Variants in FAM135B observed in about 807,000 individuals in gnomAD.
The protein encoded by FAM135B is protein FAM135B.
Under a neutral mutation model 127.7 loss-of-function variants are expected in FAM135B, and 43 were observed. The ratio of observed to expected loss-of-function variants is 0.34; its 90% CI spans 0.26 to 0.43. FAM135B has a LOEUF of 0.43. Among genes scored for constraint, FAM135B ranks in the 20% least tolerant of loss-of-function variants. The pLI is 1.00. For synonymous variants in FAM135B, 670 were observed against 665.1 expected (o/e 1.01, Z -0.11); for missense variants, 1,558 against 1,725.6 (o/e 0.90, Z 1.72).
chr8:138,364,500 T>G (rs901101388), intron 2 of FAM135B, among the ~76,000 whole-genome samples: 1 of 152,154 alleles, frequency 6.6e-6, no homozygotes, highest in Non-Finnish European at 1.5e-5. Flanking sequence ...CTCAAGCATA[T>G]GTAGTCATAA....
chr8:138,307,410 C>A (rs920910709), intron 3 of FAM135B, among the ~76,000 whole-genome samples: 1 of 152,110 alleles, frequency 6.6e-6, no homozygotes, highest in Non-Finnish European at 1.5e-5. Context: ...TCTTTATCAG[C>A]AGCATGAAAA....
chr8:138,494,849 A>AAAAAAAAAAAAC (rs373037651), intron 1 of FAM135B, among the ~76,000 whole-genome samples: 23 of 150,074 alleles, frequency 1.5e-4, no homozygotes, highest in African/African-American at 5.7e-4. Flanking sequence ...AAAAAAAAAA[A>AAAAAAAAAAAAC]AAACTTAATC....
chr8:138,226,203 T>G (rs1819437699), intron 7 of FAM135B, among the ~76,000 whole-genome samples: 1 of 105,952 alleles, frequency 9.4e-6, no homozygotes. Flanking sequence ...GTCATTTTTT[T>G]TTTCATTGAT....
intron 2 of FAM135B, among the ~76,000 whole-genome samples, chr8:138,331,810 G>A (rs1344571710): frequency 1.3e-5 from 2 of 152,118 alleles, no homozygotes; most frequent in Non-Finnish European, 2.9e-5. Context: ...CTAGGATTTG[G>A]AAAAGGATTC....
chr8:138,338,820 T>A (rs1248496987), intron 2 of FAM135B, among the ~76,000 whole-genome samples: 1 of 152,188 alleles, frequency 6.6e-6, no homozygotes, highest in Non-Finnish European at 1.5e-5. Context: ...TCTATGTTTA[T>A]TGTGGCACTA....
At chr8:138,197,418 T>C (rs771569599) in intron 8 of FAM135B, 98 bp downstream of exon 8, 28 of 1,434,120 alleles carry the variant, frequency 2.0e-5, no homozygotes, top group South Asian at 1.2e-4. Flanking sequence ...GGGTTATTCC[T>C]GTGACATTTA....
chr8:138,134,827 C>A (rs552581087), intron 19 of FAM135B, among the ~76,000 whole-genome samples: 2 of 151,912 alleles, frequency 1.3e-5, no homozygotes, highest in African/African-American at 2.4e-5. Flanking sequence ...AAAGAGAGGG[C>A]GATTTTTTCT....
At position 138,356,264 on chromosome 8, in the gene FAM135B, A is replaced by AAGAG. The variant is rs556656577; in HGVS notation, c.77+11639_77+11642dup. ...GGGGCATGGTAGAGACAGAAAGGGA[A>AAGAG]AGAGAGAGAGAGAGAGAGAAAGAGA... is the stretch of plus-strand genomic sequence containing the variant. On this transcript the variant is annotated intron_variant, in intron 2 of 19. Coordinates refer to ENST00000395297, the MANE Select transcript of FAM135B (RefSeq NM_015912.4). 5.5e-3 allele frequency among the ~76,000 whole-genome samples: 185 copies of AAGAG among 33,498 alleles called. 1 individual carries two copies. In the East Asian group the frequency reaches 0.12, roughly 22 times the overall value. 22.0% of individuals were successfully genotyped at this position (33,498 alleles called of 152,430 possible). A position where few individuals can be genotyped will look rare whatever the true frequency, so the allele number is the denominator to read the frequency against.
At chr8:138,294,850 A>T (rs1288947972) in intron 3 of FAM135B, among the ~76,000 whole-genome samples, 2 of 152,182 alleles carry the variant, frequency 1.3e-5, no homozygotes, top group Admixed American at 6.5e-5. Context: ...CTGACTAGTG[A>T]CCTTAATCAA....
chr8:138,221,487 A>G (rs536148178), intron 7 of FAM135B, among the ~76,000 whole-genome samples: 2 of 152,302 alleles, frequency 1.3e-5, no homozygotes, highest in East Asian at 3.9e-4. Flanking sequence ...GAGGACACGG[A>G]TTCAAACCAT....
At chr8:138,252,105 A>C (rs767154904) in intron 5 of FAM135B, among the ~76,000 whole-genome samples, 7 of 152,214 alleles carry the variant, frequency 4.6e-5, no homozygotes, top group Non-Finnish European at 8.8e-5. Context: ...TGGTACCAGA[A>C]AGAAACCTGT....
chr8:138,239,772 G>C (rs1820587262), intron 7 of FAM135B, among the ~76,000 whole-genome samples: 1 of 152,094 alleles, frequency 6.6e-6, no homozygotes, highest in African/African-American at 2.4e-5. Context: ...ATGATAGACT[G>C]GATTAAGAAA....
rs1221429143 is a variant in FAM135B, at chr8:138,497,224, C to T, written c.-573G>A. ...TGCTGCTCCCGCTGGCTCCGCTCCG[C>T]AGCCGCTGCGCACCGCGTGGGTAGA... On this transcript the variant is annotated 5_prime_UTR_variant, in exon 1 of 20. Coordinates refer to ENST00000395297, the MANE Select transcript of FAM135B (RefSeq NM_015912.4). Among the ~76,000 whole-genome samples the T allele has an allele frequency of 2.0e-5, 3 of 150,826 alleles. No homozygotes were observed. The highest frequency in any genetic ancestry group is 4.8e-5 in the African/African-American group (2 of 41,282).
At chr8:138,344,671 G>A (rs540455811) in intron 2 of FAM135B, among the ~76,000 whole-genome samples, 1 of 146,302 alleles carries the variant, frequency 6.8e-6, no homozygotes, top group African/African-American at 2.6e-5. Flanking sequence ...CGCCTCCCAG[G>A]TTCATGACAT....
At chr8:138,480,863 C>A (rs1213197952) in intron 1 of FAM135B, among the ~76,000 whole-genome samples, 1 of 152,196 alleles carries the variant, frequency 6.6e-6, no homozygotes, top group African/African-American at 2.4e-5. Context: ...CTTTGTGACT[C>A]TTGGCAGGGC....
At chr8:138,367,186 G>A (rs781068250) in intron 2 of FAM135B, 33 of 326,352 alleles carry the variant, frequency 1.0e-4, no homozygotes, top group Middle Eastern at 1.0e-3. Flanking sequence ...AATTTGCGCT[G>A]TTAATTGGAC....
chr8:138,367,642 G>A (rs1830833832), intron 2 of FAM135B, among the ~76,000 whole-genome samples: 1 of 152,008 alleles, frequency 6.6e-6, no homozygotes, highest in Non-Finnish European at 1.5e-5. Context: ...GTATTAGAAA[G>A]AGCCACCAAG....
At chr8:138,217,715 G>A (rs1270375044) in intron 7 of FAM135B, among the ~76,000 whole-genome samples, 1 of 152,176 alleles carries the variant, frequency 6.6e-6, no homozygotes, top group Non-Finnish European at 1.5e-5. Context: ...ACAGGCGTGA[G>A]CCACCATGCC....
intron 12 of FAM135B, among the ~76,000 whole-genome samples, chr8:138,162,602 G>A (rs1479550205): frequency 6.6e-6 from 1 of 152,120 alleles, no homozygotes; most frequent in Non-Finnish European, 1.5e-5. Flanking sequence ...TCCTTTACTG[G>A]GAACCTGAAA....
Sources: gnomAD v4.1 joint callset for allele counts (sites outside exome capture counted in the v4.1 genomes callset) on GRCh38, gnomAD v4.1.1 for gene constraint, MANE v1.5 for transcripts, NCBI Gene and HGNC (gene_info 2026-07-23, HGNC 2026-07-21) for gene names.